Variants in MAP3K13 observed in about 807,000 individuals in gnomAD.
The protein encoded by MAP3K13 is mitogen-activated protein kinase kinase kinase 13.
A neutral mutation model predicts 104.0 loss-of-function variants in MAP3K13; 52 were observed. The ratio of observed to expected loss-of-function variants is 0.50; its 90% CI spans 0.40 to 0.63. The LOEUF (loss-of-function observed/expected upper bound fraction) is 0.63, where lower values mean the gene tolerates loss of function less well. Ranked by LOEUF, MAP3K13 falls within the 20% of genes least tolerant of loss-of-function variation. The pLI, the probability that MAP3K13 is intolerant of heterozygous loss-of-function variation, is 0.00. For missense variants in MAP3K13, 914 were observed against 1,218.5 expected, an observed-to-expected ratio of 0.75 and a Z score of 3.72; for synonymous variants, 394 against 442.2, an observed-to-expected ratio of 0.89 and a Z score of 1.37.
intron 7 of MAP3K13, among the ~76,000 whole-genome samples, chr3:185,455,694 TATATATATGAG>T (rs1183762230): frequency 4.1e-4 from 8 of 19,714 alleles, no homozygotes; most frequent in African/African-American, 8.0e-4. Context: ...ATATATATGA[TATATATATGAG>T]ATATATATGA....
chr3:185,451,155 T>C, intron 6 of MAP3K13, 132 bp from the exon 7 acceptor site: 1 of 609,280 alleles, frequency 1.6e-6, no homozygotes, highest in Non-Finnish European at 2.9e-6. Flanking sequence ...TATCCTGATA[T>C]AATGGAGTAC....
chr3:185,465,838 G>C lies in MAP3K13; in HGVS notation c.1480G>C (p.Glu494Gln). Reference protein sequence around the residue: ...MELSAIMLQLEMREKELIKRE... With the variant: ...MELSAIMLQLQMREKELIKRE... ...ATTGAGTGCCATCATGCTGCAGCTA[G>C]AAATGCGGGAGAAGGAGCTCATTAA... is the stretch of plus-strand genomic sequence containing the variant. Residue 494 changes from glutamate to glutamine, a missense_variant, in exon 9 of 14, where the codon GAA (glutamate) becomes CAA (glutamine). Physicochemically the swap from Glu to Gln is conservative, Grantham distance 29. Transcript: ENST00000265026. 1.9e-6 allele frequency: 3 copies of C among 1,613,860 alleles called. No individual in the cohort carries two copies. The East Asian group carries it at 6.7e-5, about 36-fold the overall frequency.
At chr3:185,344,549 G>A (rs139893311) in intron 2 of MAP3K13, among the ~76,000 whole-genome samples, 1 of 152,226 alleles carries the variant, frequency 6.6e-6, no homozygotes, top group East Asian at 1.9e-4. Flanking sequence ...TTCCATTTAT[G>A]CCCCATCCAA....
chr3:185,410,894 C>T (rs974463263), intron 1 of MAP3K13, among the ~76,000 whole-genome samples: 12 of 150,654 alleles, frequency 8.0e-5, no homozygotes, highest in African/African-American at 2.0e-4. Context: ...AAGATCACAC[C>T]GCTGCACTCC....
At chr3:185,364,052 T>C (rs1265491468) in intron 1 of MAP3K13, among the ~76,000 whole-genome samples, 1 of 152,246 alleles carries the variant, frequency 6.6e-6, no homozygotes, top group Non-Finnish European at 1.5e-5. Context: ...CAATATCCTC[T>C]AATGAAAACT....
intron 1 of MAP3K13, among the ~76,000 whole-genome samples, chr3:185,364,535 A>T (rs1723779864): frequency 6.6e-6 from 1 of 152,164 alleles, no homozygotes; most frequent in Non-Finnish European, 1.5e-5. Flanking sequence ...AGATTTTTAT[A>T]TTATCTTTTC....
chr3:185,427,209 A>C (rs1012317938), intron 1 of MAP3K13, among the ~76,000 whole-genome samples: 8 of 151,512 alleles, frequency 5.3e-5, no homozygotes, highest in Non-Finnish European at 8.8e-5. Context: ...AAAAAAAAAA[A>C]AAAAATTAGC....
intron 2 of MAP3K13, among the ~76,000 whole-genome samples, chr3:185,435,413 G>C (rs1209176857): frequency 6.6e-6 from 1 of 152,154 alleles, no homozygotes; most frequent in Non-Finnish European, 1.5e-5. Flanking sequence ...AGCCCATGGA[G>C]GTGAAAGTGA....
rs772985802 is a variant in MAP3K13, at chr3:185,443,856, G to A, written c.851+220G>A. On this transcript the variant is annotated intron_variant, in intron 4 of 13. Coordinates refer to ENST00000265026, the MANE Select transcript of MAP3K13 (RefSeq NM_004721.5). ...TATCTGAAACCACTTTTCCTTTTTG[G>A]TGCTTTTAAATCATACAACTGTGAA... The A allele has an allele frequency of 2.5e-5, 12 of 482,790 alleles. No homozygotes were observed. The South Asian group carries it at 5.4e-4, about 22-fold the overall frequency. 29.9% of individuals were successfully genotyped at this position (482,790 alleles called of 1,614,324 possible).
intron 2 of MAP3K13, among the ~76,000 whole-genome samples, chr3:185,338,064 C>T (rs1722577734): frequency 6.6e-6 from 1 of 152,108 alleles, no homozygotes; most frequent in African/African-American, 2.4e-5. Context: ...CGCAGCGGCT[C>T]ACACCTGTAA....
At chr3:185,337,270 TG>T (rs1457121347) in intron 2 of MAP3K13, among the ~76,000 whole-genome samples, 1 of 152,152 alleles carries the variant, frequency 6.6e-6, no homozygotes, top group African/African-American at 2.4e-5. Context: ...CAAAATGATG[TG>T]ATGAATCCTG....
At position 185,287,994 on chromosome 3, in the gene MAP3K13, G is replaced by A. The variant is rs184082951; in HGVS notation, c.-86+2351G>A. Among the ~76,000 whole-genome samples the A allele has an allele frequency of 5.3e-5, 8 of 152,268 alleles. 1 individual carries two copies. Among genetic ancestry groups the A allele is most frequent in the African/African-American group, 1.7e-4 (7 of 41,560 alleles). On this transcript the variant is annotated intron_variant, in intron 2 of 14. Transcript: ENST00000424227. The stretch of plus-strand genomic sequence containing the variant: ...AGAGGTTGCTGTGAGCCAAGATCGC[G>A]CCATTGGACTCCATCCTGGGCAAAC...
At chr3:185,327,994 G>C (rs1466020586) in intron 2 of MAP3K13, among the ~76,000 whole-genome samples, 4 of 148,692 alleles carry the variant, frequency 2.7e-5, no homozygotes, top group South Asian at 2.3e-4. Context: ...AAGGGGGAAG[G>C]AGGGAGGGAA....
chr3:185,291,903 CAAAAAAAA>C (rs139816082), intron 2 of MAP3K13: 81 of 914,038 alleles, frequency 8.9e-5, no homozygotes, highest in East Asian at 2.1e-4. Flanking sequence ...CAGTGCTTTC[CAAAAAAAA>C]AAAAAAAAAA....
In MAP3K13 at chr3:185,443,469, T is replaced by G; in HGVS notation, c.684T>G (p.Cys228Trp). 6.8e-6 allele frequency: 11 copies of G among 1,613,650 alleles called. No individual in the cohort carries two copies. Among genetic ancestry groups the G allele is most frequent in the Non-Finnish European group, 8.5e-6 (10 of 1,179,642 alleles). The change falls in exon 4 of 14, where the codon TGT (cysteine) becomes TGG (tryptophan). Residue 228 changes from cysteine (C) to tryptophan (W), a missense_variant. Cys to Trp is a radical substitution (Grantham distance 215). Transcript: ENST00000265026. ...AFKGVCTQAP[C>W]YCIIMEYCAH... ...GGGGTGTTTGTACTCAGGCCCCATG[T>G]TATTGTATTATCATGGAATACTGTG...
chr3:185,284,882 G>T (rs1720453151), intron 1 of MAP3K13, among the ~76,000 whole-genome samples: 1 of 152,098 alleles, frequency 6.6e-6, no homozygotes, highest in South Asian at 2.1e-4. Context: ...CTGTCGTCAG[G>T]CTATGTAATG....
intron 1 of MAP3K13, among the ~76,000 whole-genome samples, chr3:185,378,692 C>A (rs573534959): frequency 6.6e-6 from 1 of 152,084 alleles, no homozygotes; most frequent in Non-Finnish European, 1.5e-5. Context: ...ACTGAAGGAA[C>A]AGACAGGAGA....
At chr3:185,435,929 C>T (rs1282587389) in intron 2 of MAP3K13, among the ~76,000 whole-genome samples, 1 of 152,130 alleles carries the variant, frequency 6.6e-6, no homozygotes, top group Non-Finnish European at 1.5e-5. Flanking sequence ...CTACTTTGTT[C>T]CATGTTCTGC....
intron 2 of MAP3K13, among the ~76,000 whole-genome samples, chr3:185,355,734 T>C (rs570895511): frequency 6.6e-6 from 1 of 152,308 alleles, no homozygotes; most frequent in South Asian, 2.1e-4. Context: ...TACACTTTTA[T>C]AACCTTTGAA....
Sources: allele counts gnomAD v4.1 joint callset (sites outside exome capture counted in the v4.1 genomes callset), GRCh38; gene constraint gnomAD v4.1.1; transcripts MANE v1.5; gene names NCBI Gene and HGNC (gene_info 2026-07-23, HGNC 2026-07-21).